Variants in CPQ observed in about 807,000 individuals in gnomAD.
CPQ encodes the protein carboxypeptidase Q.
A neutral mutation model predicts 45.7 loss-of-function variants in CPQ; 37 were observed. The ratio of observed to expected loss-of-function variants is 0.81; its 90% CI spans 0.62 to 1.07. The LOEUF (loss-of-function observed/expected upper bound fraction) is 1.07, where lower values mean the gene tolerates loss of function less well. Ranked by LOEUF, CPQ falls within the 50% of genes least tolerant of loss-of-function variation. The pLI is 0.00. For missense variants in CPQ, 537 were observed against 572.9 expected, an observed-to-expected ratio of 0.94 and a Z score of 0.64; for synonymous variants, 186 against 205.8, an observed-to-expected ratio of 0.90 and a Z score of 0.82.
At chr8:97,009,671 A>G (rs1314692306) in intron 5 of CPQ, among the ~76,000 whole-genome samples, 2 of 152,214 alleles carry the variant, frequency 1.3e-5, no homozygotes, top group Non-Finnish European at 2.9e-5. Context: ...TATATCATCC[A>G]CATCTTGAGT....
intron 6 of CPQ, among the ~76,000 whole-genome samples, chr8:97,057,910 A>G (rs1810482143): frequency 6.6e-6 from 1 of 152,162 alleles, no homozygotes; most frequent in African/African-American, 2.4e-5. Flanking sequence ...AAGTCACTTG[A>G]GCAGACCAAG....
At chr8:97,058,515 T>A (rs1452134883) in intron 6 of CPQ, among the ~76,000 whole-genome samples, 1 of 152,096 alleles carries the variant, frequency 6.6e-6, no homozygotes, top group Non-Finnish European at 1.5e-5. Context: ...GAAGGAAAGG[T>A]TCTTCAGGCA....
intron 4 of CPQ, among the ~76,000 whole-genome samples, chr8:96,892,779 G>A (rs1276816733): frequency 1.3e-5 from 2 of 152,116 alleles, no homozygotes; most frequent in African/African-American, 4.8e-5. Context: ...AGCCACCCAG[G>A]TAGGCAAGGA....
intron 3 of CPQ, among the ~76,000 whole-genome samples, chr8:96,861,830 A>G (rs1443346825): frequency 6.6e-6 from 1 of 152,114 alleles, no homozygotes; most frequent in East Asian, 1.9e-4. Flanking sequence ...AAGATAGAAT[A>G]TAATTAGGAC....
At chr8:97,095,670 A>G (rs1811199639) in intron 7 of CPQ, among the ~76,000 whole-genome samples, 2 of 152,336 alleles carry the variant, frequency 1.3e-5, no homozygotes, top group Admixed American at 1.3e-4. Flanking sequence ...AATTATTTAA[A>G]AACACCAAAT....
chr8:96,832,606 G>C (rs1029897060), intron 2 of CPQ, among the ~76,000 whole-genome samples: 2 of 152,120 alleles, frequency 1.3e-5, no homozygotes, highest in African/African-American at 2.4e-5. Context: ...AGAGAAGGGC[G>C]GTACCTGATC....
At chr8:96,817,895 A>G (rs1811251020) in intron 2 of CPQ, among the ~76,000 whole-genome samples, 1 of 152,054 alleles carries the variant, frequency 6.6e-6, no homozygotes, top group African/African-American at 2.4e-5. Flanking sequence ...GATTACAGCA[A>G]TGGGCCACCA....
chr8:97,101,299 G>A (rs1035871483), intron 7 of CPQ, among the ~76,000 whole-genome samples: 3 of 152,034 alleles, frequency 2.0e-5, no homozygotes, highest in African/African-American at 7.2e-5. Flanking sequence ...TATTCATAGA[G>A]TAATGATAGT....
At chr8:96,777,761 T>TATATATATATATA (rs1491343688) in intron 1 of CPQ, among the ~76,000 whole-genome samples, 9 of 12,884 alleles carry the variant, frequency 7.0e-4, no homozygotes, top group African/African-American at 2.3e-3. Context: ...TATATATATA[T>TATATATATATATA]TTTTTTTTTT....
chr8:96,758,543 A>G (rs1005248022), intron 1 of CPQ, among the ~76,000 whole-genome samples: 1 of 152,116 alleles, frequency 6.6e-6, no homozygotes, highest in Admixed American at 6.5e-5. Flanking sequence ...AGGTGTGTGC[A>G]TGTGTGCATG....
chr8:96,954,600 T>A (rs534480038), intron 4 of CPQ, among the ~76,000 whole-genome samples: 6 of 152,266 alleles, frequency 3.9e-5, no homozygotes, highest in East Asian at 3.9e-4. Context: ...TTATTTTTTT[T>A]ATTTATTTAT....
intron 4 of CPQ, among the ~76,000 whole-genome samples, chr8:96,909,097 C>G (rs878976793): frequency 4.6e-5 from 7 of 152,038 alleles, no homozygotes; most frequent in Admixed American, 1.3e-4. Flanking sequence ...TGGAATCTGC[C>G]TGTGATGTGC....
intron 6 of CPQ, among the ~76,000 whole-genome samples, chr8:97,046,739 G>A (rs778708446): frequency 1.4e-4 from 22 of 152,156 alleles, no homozygotes; most frequent in Admixed American, 2.6e-4. Flanking sequence ...CTGGAAGAAC[G>A]TACAGCATCC....
intron 5 of CPQ, among the ~76,000 whole-genome samples, chr8:96,979,691 C>T (rs535336160): frequency 2.5e-4 from 38 of 152,018 alleles, no homozygotes; most frequent in Non-Finnish European, 4.3e-4. Flanking sequence ...TGCCGTGGAA[C>T]GTAAGGGTTT....
At chr8:97,033,310 G>T (rs1210674740) in intron 6 of CPQ, among the ~76,000 whole-genome samples, 1 of 152,190 alleles carries the variant, frequency 6.6e-6, no homozygotes, top group Non-Finnish European at 1.5e-5. Context: ...AATCCAGCCT[G>T]CCACTTGTTT....
intron 5 of CPQ, among the ~76,000 whole-genome samples, chr8:96,986,896 A>G (rs774747721): frequency 3.3e-5 from 5 of 152,186 alleles, no homozygotes; most frequent in Non-Finnish European, 2.9e-5. Context: ...TATATTAATG[A>G]ATATACTTAG....
At chr8:96,880,569 A>ATG (rs1812210109) in intron 4 of CPQ, among the ~76,000 whole-genome samples, 3 of 78,972 alleles carry the variant, frequency 3.8e-5, no homozygotes, top group Non-Finnish European at 7.8e-5. Context: ...ATATATATAT[A>ATG]TATATATACC....
intron 1 of CPQ, among the ~76,000 whole-genome samples, chr8:96,768,598 G>A (rs1400311343): frequency 8.5e-5 from 13 of 152,162 alleles, no homozygotes; most frequent in Admixed American, 8.5e-4. Context: ...AATTTTTGTT[G>A]AGTTAACAGT....
intron 1 of CPQ, among the ~76,000 whole-genome samples, chr8:96,740,776 T>C (rs9771777): frequency 0.091 from 13,866 of 152,180 alleles, 866 homozygotes; most frequent in African/African-American, 0.18. Context: ...TATAGATTTA[T>C]GTATATTGAA....
Sources: gnomAD v4.1 joint callset for allele counts (sites outside exome capture counted in the v4.1 genomes callset) on GRCh38, gnomAD v4.1.1 for gene constraint, MANE v1.5 for transcripts, NCBI Gene and HGNC (gene_info 2026-07-23, HGNC 2026-07-21) for gene names.